The following FHIP1A variants were observed in gnomAD, a reference collection of about 807,000 sequenced individuals.
The protein encoded by FHIP1A is FHF complex subunit HOOK interacting protein 1A.
Under a neutral mutation model 88.6 loss-of-function variants are expected in FHIP1A, and 61 were observed. The observed-to-expected ratio is 0.69, with a 90% CI of 0.56 to 0.85. The LOEUF (loss-of-function observed/expected upper bound fraction) is 0.85, where lower values mean the gene tolerates loss of function less well. Ranked by LOEUF, FHIP1A falls within the 40% of genes least tolerant of loss-of-function variation. FHIP1A has a pLI of 0.00. For synonymous variants in FHIP1A, 478 were observed against 496.0 expected (o/e 0.96, Z 0.48); for missense variants, 1,154 against 1,273.5 (o/e 0.91, Z 1.43).
intron 7 of FHIP1A, among the ~76,000 whole-genome samples, 179 bp downstream of exon 7, chr4:151,589,105 G>T (rs540549919): frequency 6.6e-6 from 1 of 152,284 alleles, no homozygotes; most frequent in South Asian, 2.1e-4. Flanking sequence ...TAAACTGATG[G>T]TTCTATCTGG....
chr4:151,421,438 A>G (rs1408686521), intron 1 of FHIP1A, among the ~76,000 whole-genome samples: 3 of 152,150 alleles, frequency 2.0e-5, no homozygotes, highest in African/African-American at 4.8e-5. Context: ...CTTGTCTTTT[A>G]ACATATTTTA....
intron 8 of FHIP1A, among the ~76,000 whole-genome samples, chr4:151,632,569 T>A (rs908509499): frequency 6.6e-6 from 1 of 152,084 alleles, no homozygotes; most frequent in African/African-American, 2.4e-5. Flanking sequence ...TTCTCCAGGA[T>A]AGACCACTTG....
At chr4:151,636,372 C>T (rs993571018) in intron 8 of FHIP1A, among the ~76,000 whole-genome samples, 1 of 151,892 alleles carries the variant, frequency 6.6e-6, no homozygotes, top group Non-Finnish European at 1.5e-5. Flanking sequence ...AAGATATCTT[C>T]TCTCCTCAAT....
intron 3 of FHIP1A, among the ~76,000 whole-genome samples, chr4:151,502,872 A>G (rs1050379024): frequency 3.9e-5 from 6 of 152,162 alleles, no homozygotes; most frequent in African/African-American, 1.4e-4. Context: ...CAGTCCTTAC[A>G]TTGTTGGTGT....
Position 151,468,160 on chromosome 4 carries a change from C to A in FHIP1A, c.-248+13352C>A, listed in dbSNP as rs149679722. On this transcript the variant is annotated intron_variant, in intron 2 of 13. Coordinates refer to ENST00000435205, the MANE Select transcript of FHIP1A (RefSeq NM_001109977.3). ...ATTAGCTGGGTGTGGTGGCAGGCAC[C>A]TGTAGTCCCAGCTACTCCGGCGGCT... Among the ~76,000 whole-genome samples the A allele has an allele frequency of 1.1e-3, 161 of 151,762 alleles. 4 individuals carry two copies. The East Asian group carries it at 0.027, about 25-fold the overall frequency.
At chr4:151,642,779 C>A (rs932230293) in intron 9 of FHIP1A, among the ~76,000 whole-genome samples, 7 of 151,504 alleles carry the variant, frequency 4.6e-5, no homozygotes, top group African/African-American at 1.5e-4. Flanking sequence ...AATTTAATGA[C>A]CGATATCCAA....
chr4:151,651,959 A>G lies in FHIP1A; in HGVS notation c.2551+1367A>G, dbSNP rs187572111. Reference sequence around the variant, plus strand: ...GATAATCCCACTTTTCCCAGTTGATAAGGGGGACAGGGAAGGGGGAGTTGG... The same window carrying G: ...GATAATCCCACTTTTCCCAGTTGATGAGGGGGACAGGGAAGGGGGAGTTGG... On this transcript the variant is annotated intron_variant, in intron 11 of 13. Transcript: ENST00000435205. Among the ~76,000 whole-genome samples, 44 of 152,316 alleles carry G rather than the reference A, an allele frequency of 2.9e-4. No homozygotes were observed. In the East Asian group the frequency reaches 6.8e-3, roughly 23 times the overall value.
chr4:151,630,888 T>C (rs1341396597), intron 8 of FHIP1A, among the ~76,000 whole-genome samples: 1 of 152,186 alleles, frequency 6.6e-6, no homozygotes, highest in Non-Finnish European at 1.5e-5. Flanking sequence ...ATATGGAAAT[T>C]GACACACTTC....
chr4:151,491,038 A>C (rs530784056), intron 3 of FHIP1A, among the ~76,000 whole-genome samples: 1 of 152,218 alleles, frequency 6.6e-6, no homozygotes, highest in South Asian at 2.1e-4. Context: ...CTAAGGAAGA[A>C]GAAAAATCTA....
intron 1 of FHIP1A, among the ~76,000 whole-genome samples, chr4:151,440,864 G>A (rs1728383462): frequency 6.6e-6 from 1 of 152,224 alleles, no homozygotes; most frequent in African/African-American, 2.4e-5. Flanking sequence ...TTGCAGCTTG[G>A]CATCCAGTTC....
At chr4:151,558,362 C>T (rs1297191875) in intron 3 of FHIP1A, among the ~76,000 whole-genome samples, 1 of 151,886 alleles carries the variant, frequency 6.6e-6, no homozygotes, top group African/African-American at 2.4e-5. Flanking sequence ...ATAGTGAAAC[C>T]GTGTCTCTAC....
intron 7 of FHIP1A, among the ~76,000 whole-genome samples, chr4:151,627,178 A>G (rs1355027807): frequency 6.6e-6 from 1 of 152,206 alleles, no homozygotes; most frequent in African/African-American, 2.4e-5. Flanking sequence ...TGGGTTTTTA[A>G]TATTTATAGC....
chr4:151,620,418 A>T (rs1370464122), intron 7 of FHIP1A, among the ~76,000 whole-genome samples: 1 of 152,228 alleles, frequency 6.6e-6, no homozygotes, highest in Non-Finnish European at 1.5e-5. Context: ...GAAATGCCCT[A>T]TATGGGCTGG....
intron 9 of FHIP1A, among the ~76,000 whole-genome samples, chr4:151,640,619 A>T (rs551745736): frequency 1.4e-4 from 22 of 152,338 alleles, no homozygotes; most frequent in Admixed American, 1.2e-3. Flanking sequence ...GCCTGATGGT[A>T]TTTAAATGTT....
chr4:151,540,657 A>G (rs531374214), intron 3 of FHIP1A, among the ~76,000 whole-genome samples: 51 of 152,362 alleles, frequency 3.3e-4, no homozygotes, highest in African/African-American at 1.2e-3. Flanking sequence ...AGAGTTTCTT[A>G]TATAAAATCC....
intron 4 of FHIP1A, among the ~76,000 whole-genome samples, chr4:151,574,276 AG>A (rs1416084504): frequency 2.0e-5 from 3 of 152,236 alleles, no homozygotes; most frequent in African/African-American, 7.2e-5. Flanking sequence ...ATCTGAAGGC[AG>A]TATAAGGGAA....
intron 3 of FHIP1A, among the ~76,000 whole-genome samples, chr4:151,514,650 C>T (rs1340831759): frequency 6.6e-6 from 1 of 152,122 alleles, no homozygotes; most frequent in Non-Finnish European, 1.5e-5. Context: ...GAAATACAAA[C>T]TACTATCAGA....
chr4:151,449,429 G>T (rs1008834404), intron 1 of FHIP1A, among the ~76,000 whole-genome samples: 1 of 151,614 alleles, frequency 6.6e-6, no homozygotes, highest in Non-Finnish European at 1.5e-5. Context: ...ACATATATAT[G>T]GGGTACAACT....
At chr4:151,612,889 C>A (rs1735380258) in intron 7 of FHIP1A, among the ~76,000 whole-genome samples, 3 of 152,202 alleles carry the variant, frequency 2.0e-5, no homozygotes, top group Non-Finnish European at 4.4e-5. Context: ...GCAGTAGCAG[C>A]ACAGAATGAA....
Sources: allele counts gnomAD v4.1 joint callset (sites outside exome capture counted in the v4.1 genomes callset), GRCh38; gene constraint gnomAD v4.1.1; transcripts MANE v1.5; gene names NCBI Gene and HGNC (gene_info 2026-07-23, HGNC 2026-07-21).